Variants in P3H1 observed in about 807,000 individuals in gnomAD.
The protein encoded by P3H1 is prolyl 3-hydroxylase 1, also known as growth suppressor 1.
A neutral mutation model predicts 84.0 loss-of-function variants in P3H1; 69 were observed. The ratio of observed to expected loss-of-function variants is 0.82; its 90% CI spans 0.68 to 1.00. The LOEUF is 1.00. Among genes scored for constraint, P3H1 ranks in the 50% least tolerant of loss-of-function variants. The pLI, the probability that P3H1 is intolerant of heterozygous loss-of-function variation, is 0.00. For synonymous variants in P3H1, 366 were observed against 388.8 expected (o/e 0.94, Z 0.69); for missense variants, 878 against 962.8 (o/e 0.91, Z 1.17).
rs1382875825 is a variant in P3H1, at chr1:42,747,786, G to A, written c.1851C>T (p.Tyr617=). The A allele has an allele frequency of 1.2e-6, 2 of 1,614,166 alleles. No homozygotes were observed. Among genetic ancestry groups the A allele is most frequent in the Non-Finnish European group, 1.7e-6 (2 of 1,180,016 alleles). The part of the protein sequence containing the change: ...YTFRDYSAIL[Y]LNGDFDGGNF... ...TTCCGCCATCGAAGTCCCCATTTAG[G>A]TAAAGGATGGCGCTGGGAAAGGCAG... The change falls in exon 13 of 15, where the codon TAC becomes TAT. Residue 617 remains tyrosine (Y), a synonymous_variant. Coordinates refer to ENST00000296388, the MANE Select transcript of P3H1 (RefSeq NM_022356.4).
At chr1:42,749,395 T>C (rs1339307441) in intron 11 of P3H1, among the ~76,000 whole-genome samples, 1 of 152,132 alleles carries the variant, frequency 6.6e-6, no homozygotes, top group Admixed American at 6.5e-5. Flanking sequence ...CTGGGCCACA[T>C]AGGATCCTTG....
At chr1:42,747,125 C>A in intron 14 of P3H1, 147 bp downstream of exon 14, 1 of 1,614,210 alleles carries the variant, frequency 6.2e-7, no homozygotes, top group South Asian at 1.1e-5. Flanking sequence ...ACCATAATGA[C>A]AGGGCGTTGG....
chr1:42,756,899 G>A (rs1652431509), intron 5 of P3H1, among the ~76,000 whole-genome samples: 2 of 152,218 alleles, frequency 1.3e-5, no homozygotes, highest in African/African-American at 4.8e-5. Context: ...ACCTTGCAGG[G>A]TGGCTGTGAT....
At chr1:42,755,766 C>G (rs1652374818) in intron 5 of P3H1, 129 bp from the exon 6 acceptor site, 5 of 698,696 alleles carry the variant, frequency 7.2e-6, no homozygotes, top group Admixed American at 2.1e-5. Flanking sequence ...TACCAATGCT[C>G]TCTGTCTGTT....
intron 13 of P3H1, 149 bp downstream of exon 13, chr1:42,747,574 T>G (rs1043760908): frequency 6.3e-6 from 7 of 1,102,398 alleles, no homozygotes; most frequent in Non-Finnish European, 9.8e-6. Context: ...AGAGGAGTGA[T>G]GGACACGTCT....
chr1:42,746,840 C>G lies in P3H1; in HGVS notation c.2068G>C (p.Ala690Pro), dbSNP rs1288915377. Reference sequence around the variant, plus strand: ...AAGAGCATCTTCACCAGGTCATCTGCCTGCACCCTGTCCTGCAAGGACAAA... The same window carrying G: ...AAGAGCATCTTCACCAGGTCATCTGGCTGCACCCTGTCCTGCAAGGACAAA... Reference protein sequence around the residue: ...PRHSERDRVQADDLVKMLFSP... With the variant: ...PRHSERDRVQPDDLVKMLFSP... Residue 690 changes from alanine to proline, a missense_variant, in exon 15 of 15, where the codon GCA becomes CCA. Coordinates refer to ENST00000296388, the MANE Select transcript of P3H1 (RefSeq NM_022356.4). 3 of 1,613,656 alleles carry G rather than the reference C, an allele frequency of 1.9e-6. No homozygotes were observed. Among genetic ancestry groups the G allele is most frequent in the Non-Finnish European group, 2.5e-6 (3 of 1,179,858 alleles).
At chr1:42,751,568 AAAAAAAATAAATAAAT>A (rs1557564481) in intron 10 of P3H1, 5 of 89,734 alleles carry the variant, frequency 5.6e-5, no homozygotes, top group Admixed American at 3.8e-4. Flanking sequence ...TGATCAATAA[AAAAAAAATAAATAAAT>A]AAATAAATAA....
chr1:42,746,429 T>C lies in P3H1; in HGVS notation c.*268A>G. The C allele has an allele frequency of 1.9e-6, 1 of 538,720 alleles. No individual in the cohort carries two copies. The highest frequency in any genetic ancestry group is 2.5e-5 in the South Asian group (1 of 40,536). The allele number at this position is 538,720 out of a possible 1,614,324, so 33.4% of individuals were successfully genotyped here. On this transcript the variant is annotated 3_prime_UTR_variant, in exon 15 of 15. Coordinates refer to ENST00000296388, the MANE Select transcript of P3H1 (RefSeq NM_022356.4). Reference sequence around the variant, plus strand: ...GTTGTCTACACAGACACTTAAGTACTGTATCGCTGTCATGCAGCGGCCTGT... The same window carrying C: ...GTTGTCTACACAGACACTTAAGTACCGTATCGCTGTCATGCAGCGGCCTGT...
At chr1:42,753,237 A>C (rs1395052454) in intron 8 of P3H1, among the ~76,000 whole-genome samples, 1 of 152,226 alleles carries the variant, frequency 6.6e-6, no homozygotes, top group Non-Finnish European at 1.5e-5. Context: ...TGCATGACTC[A>C]CCTCTCAGTT....
Position 42,746,567 on chromosome 1 carries a change from A to G in P3H1, c.*130T>C. ...CAGTAGCACCATGTAGAAGGCTGTG[A>G]GCAGGGTCCCCTCGGCTGAGTGGCA... On this transcript the variant is annotated 3_prime_UTR_variant, in exon 15 of 15. Transcript: ENST00000296388. 6.8e-6 allele frequency: 5 copies of G among 732,914 alleles called. No individual in the cohort carries two copies. The highest frequency in any genetic ancestry group is 9.5e-6 in the Non-Finnish European group (4 of 422,832). The allele number at this position is 732,914 out of a possible 1,614,324, so 45.4% of individuals were successfully genotyped here. A position where few individuals can be genotyped will look rare whatever the true frequency, so the allele number is the denominator to read the frequency against.
chr1:42,766,329 G>C (rs551378216), intron 1 of P3H1, among the ~76,000 whole-genome samples, 178 bp downstream of exon 1: 1 of 152,178 alleles, frequency 6.6e-6, no homozygotes. Context: ...TGCGAACTGG[G>C]CGAGGAAGGT....
chr1:42,758,722 G>T, intron 4 of P3H1, 130 bp downstream of exon 4: 1 of 1,110,576 alleles, frequency 9.0e-7, no homozygotes, highest in Non-Finnish European at 1.4e-6. Flanking sequence ...GGATCACTTG[G>T]CATGGTGCCT....
chr1:42,758,802 T>C (rs535173068), intron 4 of P3H1, 50 bp downstream of exon 4: 1 of 1,610,602 alleles, frequency 6.2e-7, no homozygotes, highest in Admixed American at 1.7e-5. Context: ...CACCTTGCCT[T>C]TAGCTTCTTA....
rs1652151769 is a variant in P3H1, at chr1:42,752,356, G to A, written c.1487C>T (p.Ser496Leu). 1 of 1,614,130 alleles carries A rather than the reference G, an allele frequency of 6.2e-7. No homozygotes were observed. Among genetic ancestry groups the A allele is most frequent in the East Asian group, 2.2e-5 (1 of 44,882 alleles). The change falls in exon 10 of 15, where the codon TCA becomes TTA. Residue 496 changes from serine (S) to leucine (L), a missense_variant. By Grantham distance (145) the Ser-to-Leu change is moderately radical. Coordinates refer to ENST00000296388, the MANE Select transcript of P3H1 (RefSeq NM_022356.4). ...GGTCTGACCCCGGTAGCCATCTCCT[G>A]AGGTTGCTGCCACCTACAAGGCCCA... is the stretch of plus-strand genomic sequence containing the variant. ...LQRLTNVAAT[S>L]GDGYRGQTSP... is the part of the protein sequence containing the mutation.
At chr1:42,758,820 A>T (rs1440618388) in intron 4 of P3H1, 32 bp downstream of exon 4, 1 of 1,613,372 alleles carries the variant, frequency 6.2e-7, no homozygotes, top group Non-Finnish European at 8.5e-7. Flanking sequence ...TTAGTTAGCC[A>T]GCAGAGAAAG....
chr1:42,750,730 G>A (rs1189489474), intron 10 of P3H1, among the ~76,000 whole-genome samples: 6 of 143,998 alleles, frequency 4.2e-5, no homozygotes, highest in African/African-American at 1.3e-4. Flanking sequence ...CGCCCTGTCC[G>A]GGAGGTGAGG....
At position 42,766,720 on chromosome 1, in the gene P3H1, C is replaced by T; in HGVS notation, c.252G>A (p.Pro84=). The T allele has an allele frequency of 2.6e-6, 4 of 1,558,830 alleles. No homozygotes were observed. Among genetic ancestry groups the T allele is most frequent in the South Asian group, 1.2e-5 (1 of 85,160 alleles). The change falls in exon 1 of 15, where the codon CCG becomes CCA. Residue 84 remains proline, a synonymous_variant. Transcript: ENST00000296388. ...GGGACCAGTCGGGGTCCAGCTCCCA[C>T]GGGAAGTCGGCGGCACACTGGGTGC... ...RCRTQCAADF[P]WELDPDWSPS...
rs760593141 is a variant in P3H1 at position 42,762,312 on chromosome 1, G to GTT, written c.618+9_618+10dup. ...AGAAAGAAAGAAAGAAGGGGATAAA[G>GTT]TTTTTTTCACCATATGGGGTTGAGT... On this transcript the variant is annotated intron_variant, in intron 2 of 14. Transcript: ENST00000296388. The GTT allele has an allele frequency of 4.0e-5, 65 of 1,610,386 alleles. No individual in the cohort carries two copies. The highest frequency in any genetic ancestry group is 5.4e-5 in the Non-Finnish European group (64 of 1,177,128).
intron 11 of P3H1, 33 bp downstream of exon 11, chr1:42,750,153 G>C: frequency 2.5e-6 from 4 of 1,605,706 alleles, no homozygotes; most frequent in Non-Finnish European, 3.4e-6. Context: ...TACAGCATGC[G>C]GGGGCGGGTG....
Sources: gnomAD v4.1 joint callset for allele counts (sites outside exome capture counted in the v4.1 genomes callset) on GRCh38, gnomAD v4.1.1 for gene constraint, MANE v1.5 for transcripts, NCBI Gene and HGNC (gene_info 2026-07-23, HGNC 2026-07-21) for gene names.